PSG2: variants seen among roughly 807,000 people sequenced by gnomAD.
PSG2 encodes pregnancy-specific beta-1-glycoprotein 2.
A neutral mutation model predicts 36.2 loss-of-function variants in PSG2; 49 were observed. That is an observed-to-expected ratio of 1.35 (90% CI 1.08 to 1.72). PSG2 has a LOEUF of 1.72. Among genes scored for constraint, PSG2 ranks in the 40% most tolerant of loss-of-function variants. The pLI is 0.00. For synonymous variants in PSG2, 261 were observed against 155.6 expected (o/e 1.68, Z -5.04); for missense variants, 605 against 407.2 (o/e 1.49, Z -4.18).
chr19:43,073,034 C>T (rs961474985), intron 3 of PSG2, among the ~76,000 whole-genome samples: 3 of 151,678 alleles, frequency 2.0e-5, no homozygotes, highest in Non-Finnish European at 4.4e-5. Context: ...TGTGATTTCT[C>T]TGCAGCTTCC....
At position 43,070,967 on chromosome 19, in the gene PSG2, C is replaced by T. The variant is rs1599705903; in HGVS notation, c.964+733G>A. On this transcript the variant is annotated intron_variant, in intron 4 of 5. Transcript: ENST00000406487. ...TAGCTCTGCATCAGTCACAGTCCTCCATGCTGTGTCCCACGTACTGTGCCC... is the reference window on the plus strand; with the variant it reads ...TAGCTCTGCATCAGTCACAGTCCTCTATGCTGTGTCCCACGTACTGTGCCC... Among the ~76,000 whole-genome samples, 3 of 151,824 alleles carry T rather than the reference C, an allele frequency of 2.0e-5. No homozygotes were observed. The South Asian group carries it at 6.2e-4, about 32-fold the overall frequency.
chr19:43,071,648 C>T lies in PSG2; in HGVS notation c.964+52G>A, dbSNP rs371992679. On this transcript the variant is annotated intron_variant, in intron 4 of 5. Coordinates refer to ENST00000406487, the MANE Select transcript of PSG2 (RefSeq NM_031246.4). ...GTTTTCCTGACTCTTCTCTGAAAGC[C>T]AGATAGACTCCACCTAAAACCCTAC... The T allele has an allele frequency of 9.3e-6, 15 of 1,612,432 alleles. No individual in the cohort carries two copies. In the African/African-American group the frequency reaches 1.3e-4, roughly 14 times the overall value.
Position 43,082,542 on chromosome 19 carries a change from T to C in PSG2, c.28A>G (p.Thr10Ala). The part of the protein sequence containing the change: MGPLSAPPC[T>A]EHIKWKGLLV... The stretch of plus-strand genomic sequence containing the variant: ...AGCCCCTTCCATTTGATGTGCTCTG[T>C]GCAGGGAGGGGCTGAGAGGGGCCCC... Residue 10 changes from threonine (T) to alanine (A), a missense_variant, in exon 1 of 6, where the codon ACA (threonine) becomes GCA (alanine). Thr to Ala is a moderately conservative substitution (Grantham distance 58). Transcript: ENST00000406487. The C allele has an allele frequency of 6.2e-7, 1 of 1,612,238 alleles. No individual in the cohort carries two copies. The highest frequency in any genetic ancestry group is 8.5e-7 in the Non-Finnish European group (1 of 1,179,174).
At chr19:43,081,982 C>G (rs1393721817) in intron 1 of PSG2, 1 of 152,928 alleles carries the variant, frequency 6.5e-6, no homozygotes, top group Non-Finnish European at 1.4e-5. Context: ...ATCAGGAAAA[C>G]AGAACACTTA....
intron 3 of PSG2, chr19:43,072,766 C>G: frequency 1.4e-6 from 2 of 1,479,082 alleles, no homozygotes; most frequent in Admixed American, 2.0e-5. Context: ...GTGTGTGTCA[C>G]AAGACAGATG....
chr19:43,081,654 A>C lies in PSG2; in HGVS notation c.65-408T>G, dbSNP rs977398955. On this transcript the variant is annotated intron_variant, in intron 1 of 5. Coordinates refer to ENST00000406487, the MANE Select transcript of PSG2 (RefSeq NM_031246.4). ...TGACCTTTCCCTGCTCTGCTCCCTA[A>C]AGGGTTCTTGTTAACAGCTGACCTC... 8 of 198,608 alleles carry C rather than the reference A, an allele frequency of 4.0e-5. 1 individual carries two copies. Among genetic ancestry groups the C allele is most frequent in the African/African-American group, 1.4e-4 (6 of 42,624 alleles). The allele number at this position is 198,608 out of a possible 1,614,324, so 12.3% of individuals were successfully genotyped here. A position where few individuals can be genotyped will look rare whatever the true frequency, so the allele number is the denominator to read the frequency against.
intron 3 of PSG2, among the ~76,000 whole-genome samples, chr19:43,074,416 T>A (rs1033662273): frequency 2.0e-5 from 3 of 151,844 alleles, no homozygotes; most frequent in African/African-American, 7.3e-5. Context: ...TTGACCTTTT[T>A]GGTTAAACTT....
At chr19:43,081,740 A>G (rs1372668091) in intron 1 of PSG2, 10 of 165,570 alleles carry the variant, frequency 6.0e-5, no homozygotes, top group Non-Finnish European at 1.3e-4. Flanking sequence ...CTCAGTGAGG[A>G]CAGGGACTTT....
intron 2 of PSG2, among the ~76,000 whole-genome samples, chr19:43,079,409 G>A (rs1329574635): frequency 6.6e-6 from 1 of 151,466 alleles, no homozygotes; most frequent in African/African-American, 2.4e-5. Context: ...CAAGGGACAG[G>A]TGTGGCTAGG....
At chr19:43,075,211 C>A (rs2051183709) in intron 3 of PSG2, 143 bp downstream of exon 3, 1 of 1,560,692 alleles carries the variant, frequency 6.4e-7, no homozygotes, top group Non-Finnish European at 8.8e-7. Flanking sequence ...TCTGGTTTGC[C>A]TGGGGCAGAA....
At chr19:43,069,814 G>A (rs1329247446) in intron 4 of PSG2, among the ~76,000 whole-genome samples, 1 of 151,592 alleles carries the variant, frequency 6.6e-6, no homozygotes, top group East Asian at 1.9e-4. Flanking sequence ...CAAAAGCATA[G>A]GCAACAAATA....
In PSG2 at chr19:43,072,565, T is replaced by C. The variant is rs1599707186; in HGVS notation, c.710-611A>G. 1.5e-5 allele frequency: 24 copies of C among 1,611,452 alleles called. No homozygotes were observed. The East Asian group carries it at 5.1e-4, about 34-fold the overall frequency. ...CACTCTTAGGTTCACAGGTGAAGGC[T>C]AATACATCCTTATTCTCCCTGGGGT... On this transcript the variant is annotated intron_variant, in intron 3 of 5. Transcript: ENST00000406487.
chr19:43,071,593 G>A, intron 4 of PSG2, 107 bp downstream of exon 4: 2 of 1,609,880 alleles, frequency 1.2e-6, no homozygotes, highest in South Asian at 1.1e-5. Context: ...ATTTGCTTTT[G>A]CCCATGGGAC....
chr19:43,064,371 G>A lies in PSG2; in HGVS notation c.*271C>T. 1 of 310,308 alleles carries A rather than the reference G, an allele frequency of 3.2e-6. No homozygotes were observed. Among genetic ancestry groups the A allele is most frequent in the East Asian group, 5.4e-5 (1 of 18,586 alleles). 19.2% of individuals were successfully genotyped at this position (310,308 alleles called of 1,614,324 possible). On this transcript the variant is annotated 3_prime_UTR_variant, in exon 6 of 6. Transcript: ENST00000406487. ...AAGAAAAAATGTTCATAAATCTGGAGAATGAAACATTCCAAGAATCAGCAC... is the reference window on the plus strand; with the variant it reads ...AAGAAAAAATGTTCATAAATCTGGAAAATGAAACATTCCAAGAATCAGCAC...
chr19:43,073,050 C>T (rs563071666), intron 3 of PSG2, among the ~76,000 whole-genome samples: 1 of 151,728 alleles, frequency 6.6e-6, no homozygotes, highest in South Asian at 2.1e-4. Flanking sequence ...CTTCCATTTC[C>T]AAGGACATTC....
chr19:43,072,162 C>T (rs1474642252), intron 3 of PSG2, among the ~76,000 whole-genome samples: 3 of 151,630 alleles, frequency 2.0e-5, no homozygotes, highest in African/African-American at 7.3e-5. Flanking sequence ...ACGACAAGAC[C>T]GTCCACTCCC....
chr19:43,072,658 CTG>C, intron 3 of PSG2: 1 of 1,606,168 alleles, frequency 6.2e-7, no homozygotes, highest in Non-Finnish European at 8.5e-7. Context: ...GAAGATTGTC[CTG>C]TGTGGCACTT....
At position 43,082,408 on chromosome 19, in the gene PSG2, G is replaced by A. The variant is rs1967993724; in HGVS notation, c.64+98C>T. 6 of 1,543,092 alleles carry A rather than the reference G, an allele frequency of 3.9e-6. 1 individual carries two copies. The East Asian group carries it at 6.8e-5, about 18-fold the overall frequency. ...ACCCACCTCAGCCTCCCTAAGTGCTGGCTTCTTTCATTTTTTAGAACCCCA... is the reference window on the plus strand; with the variant it reads ...ACCCACCTCAGCCTCCCTAAGTGCTAGCTTCTTTCATTTTTTAGAACCCCA... On this transcript the variant is annotated intron_variant, in intron 1 of 5. Coordinates refer to ENST00000406487, the MANE Select transcript of PSG2 (RefSeq NM_031246.4).
Position 43,066,522 on chromosome 19 carries a change from A to T in PSG2, c.*35T>A. 6.4e-7 allele frequency: 1 copy of T among 1,559,004 alleles called. No homozygotes were observed. The highest frequency in any genetic ancestry group is 1.4e-5 in the African/African-American group (1 of 73,032). On this transcript the variant is annotated 3_prime_UTR_variant, in exon 5 of 6. Coordinates refer to ENST00000406487, the MANE Select transcript of PSG2 (RefSeq NM_031246.4). Reference sequence around the variant, plus strand: ...AAGAGAAAAGGCCATCATACCTGCCAGTCTTCCTGAAATACAGAAATGACA... The same window carrying T: ...AAGAGAAAAGGCCATCATACCTGCCTGTCTTCCTGAAATACAGAAATGACA...
Sources: allele counts gnomAD v4.1 joint callset (sites outside exome capture counted in the v4.1 genomes callset), GRCh38; gene constraint gnomAD v4.1.1; transcripts MANE v1.5; gene names NCBI Gene and HGNC (gene_info 2026-07-23, HGNC 2026-07-21).